APBB1IP: variants seen among roughly 807,000 people sequenced by gnomAD.
APBB1IP encodes the protein amyloid beta precursor protein binding family B member 1 interacting protein, also known as amyloid beta A4 precursor protein-binding family B member 1-interacting protein.
APBB1IP carries 27 observed loss-of-function variants against 64.9 expected under a neutral mutation model. The observed-to-expected ratio is 0.42, with a 90% CI of 0.31 to 0.57. The LOEUF is 0.57. APBB1IP is among the 20% of genes least tolerant of loss of function. The pLI is 0.20. For synonymous variants in APBB1IP, 392 were observed against 331.0 expected (o/e 1.18, Z -2.00); for missense variants, 812 against 845.5 (o/e 0.96, Z 0.49).
intron 2 of APBB1IP, among the ~76,000 whole-genome samples, chr10:26,492,041 C>A (rs769536208): frequency 1.3e-5 from 2 of 152,036 alleles, no homozygotes; most frequent in African/African-American, 4.8e-5. Context: ...GGATTACAGG[C>A]GTGATCCAGC....
At position 26,490,556 on chromosome 10, in the gene APBB1IP, C is replaced by T. The variant is rs1165266773; in HGVS notation, c.1-1771C>T. Among the ~76,000 whole-genome samples, 7 of 152,032 alleles carry T rather than the reference C, an allele frequency of 4.6e-5. No individual in the cohort carries two copies. The East Asian group carries it at 1.2e-3, about 25-fold the overall frequency. On this transcript the variant is annotated intron_variant, in intron 2 of 14. Transcript: ENST00000376236. ...ACGAGAGTTGCTTTAGCCCAGGAGG[C>T]GGAAGTTGCAGTGATGTGAGATTGC...
intron 8 of APBB1IP, among the ~76,000 whole-genome samples, chr10:26,521,346 A>AT (rs1184175718): frequency 2.6e-5 from 4 of 152,134 alleles, no homozygotes; most frequent in Admixed American, 2.6e-4. Flanking sequence ...TCTAATTAGA[A>AT]TTTTTTCAGA....
intron 11 of APBB1IP, among the ~76,000 whole-genome samples, chr10:26,555,522 TTACA>T (rs746281055): frequency 1.1e-4 from 17 of 152,308 alleles, no homozygotes; most frequent in Non-Finnish European, 2.1e-4. Context: ...CATCAGGTGT[TTACA>T]TACATCTCTC....
intron 2 of APBB1IP, among the ~76,000 whole-genome samples, chr10:26,454,605 T>TA (rs1835502110): frequency 1.3e-5 from 2 of 152,010 alleles, no homozygotes; most frequent in Admixed American, 1.3e-4. Flanking sequence ...GTGGGGTAGT[T>TA]AATGGGTCCA....
intron 8 of APBB1IP, among the ~76,000 whole-genome samples, chr10:26,524,371 G>A (rs766782851): frequency 1.5e-4 from 23 of 151,802 alleles, no homozygotes; most frequent in African/African-American, 4.1e-4. Context: ...ATGTTTCTCC[G>A]TAATTACCCA....
intron 8 of APBB1IP, among the ~76,000 whole-genome samples, chr10:26,520,494 A>T (rs1052032293): frequency 3.9e-5 from 6 of 152,228 alleles, no homozygotes; most frequent in African/African-American, 1.4e-4. Context: ...AGTCTTCAAT[A>T]CTTAACAGAC....
chr10:26,511,933 G>T, intron 7 of APBB1IP, 27 bp downstream of exon 7: 1 of 1,611,298 alleles, frequency 6.2e-7, no homozygotes. Flanking sequence ...GCAATGGGCT[G>T]TACTCCAAAA....
Position 26,528,603 on chromosome 10 carries a change from C to T in APBB1IP, c.814-4836C>T, listed in dbSNP as rs549657169. ...ATCTGTCCATCTCACTATGATCGAT[C>T]TGTATTTATCTTCTCCATGTGATAG... is the stretch of plus-strand genomic sequence containing the variant. On this transcript the variant is annotated intron_variant, in intron 8 of 14. Transcript: ENST00000376236. Among the ~76,000 whole-genome samples, 6 of 152,270 alleles carry T rather than the reference C, an allele frequency of 3.9e-5. No individual in the cohort carries two copies. In the South Asian group the frequency reaches 1.2e-3, roughly 32 times the overall value.
At chr10:26,512,176 A>C (rs979377268) in intron 7 of APBB1IP, among the ~76,000 whole-genome samples, 1 of 152,108 alleles carries the variant, frequency 6.6e-6, no homozygotes, top group Non-Finnish European at 1.5e-5. Context: ...CAATTCCCTT[A>C]TATGAGATTT....
intron 2 of APBB1IP, among the ~76,000 whole-genome samples, chr10:26,486,847 A>C (rs961804120): frequency 6.6e-6 from 1 of 152,220 alleles, no homozygotes; most frequent in African/African-American, 2.4e-5. Context: ...AAGCCTAGAA[A>C]TATTAAGCAT....
At chr10:26,477,676 C>T (rs541360575) in intron 2 of APBB1IP, among the ~76,000 whole-genome samples, 10 of 152,328 alleles carry the variant, frequency 6.6e-5, no homozygotes, top group Admixed American at 4.6e-4. Flanking sequence ...CAACAAAACA[C>T]AAAGGCGAAT....
intron 7 of APBB1IP, among the ~76,000 whole-genome samples, chr10:26,512,478 G>T (rs1836273524): frequency 6.6e-6 from 1 of 152,072 alleles, no homozygotes; most frequent in Non-Finnish European, 1.5e-5. Context: ...CTCCCCACTG[G>T]CTTAGTCTCT....
At chr10:26,468,788 A>G (rs993009485) in intron 2 of APBB1IP, among the ~76,000 whole-genome samples, 9 of 152,164 alleles carry the variant, frequency 5.9e-5, no homozygotes, top group African/African-American at 1.9e-4. Flanking sequence ...TCCTGTTCAC[A>G]GAGTCCTGGA....
At chr10:26,476,204 G>T (rs1210958173) in intron 2 of APBB1IP, among the ~76,000 whole-genome samples, 1 of 151,684 alleles carries the variant, frequency 6.6e-6, no homozygotes, top group African/African-American at 2.4e-5. Flanking sequence ...GATTACAGAT[G>T]CCCGCCACCA....
Position 26,511,738 on chromosome 10 carries a change from T to C in APBB1IP, c.532-9T>C. 1 of 1,614,070 alleles carries C rather than the reference T, an allele frequency of 6.2e-7. No homozygotes were observed. The highest frequency in any genetic ancestry group is 8.5e-7 in the Non-Finnish European group (1 of 1,179,912). ...AAATTTACTGGCTGCCCCATGGTTCTATCCTCAGCTCGTCGTCAAGGTGCA... is the reference window on the plus strand; with the variant it reads ...AAATTTACTGGCTGCCCCATGGTTCCATCCTCAGCTCGTCGTCAAGGTGCA... On this transcript the variant is annotated splice_polypyrimidine_tract_variant and intron_variant, in intron 6 of 14. Transcript: ENST00000376236.
At chr10:26,531,653 C>G (rs1224338564) in intron 8 of APBB1IP, among the ~76,000 whole-genome samples, 2 of 147,134 alleles carry the variant, frequency 1.4e-5, no homozygotes, top group Admixed American at 1.4e-4. Context: ...GGTGACAGAG[C>G]GAGACCCCGT....
At chr10:26,493,149 C>G (rs1177111852) in intron 3 of APBB1IP, among the ~76,000 whole-genome samples, 2 of 152,202 alleles carry the variant, frequency 1.3e-5, no homozygotes, top group African/African-American at 4.8e-5. Context: ...CTCTGTCCTG[C>G]CCGGCTCCCA....
At chr10:26,541,368 A>C (rs1412929375) in intron 10 of APBB1IP, among the ~76,000 whole-genome samples, 1 of 152,200 alleles carries the variant, frequency 6.6e-6, no homozygotes, top group Non-Finnish European at 1.5e-5. Context: ...AGATCTTACT[A>C]AATTGTCCCC....
chr10:26,455,783 C>T (rs1835518324), intron 2 of APBB1IP, among the ~76,000 whole-genome samples: 1 of 152,058 alleles, frequency 6.6e-6, no homozygotes, highest in Non-Finnish European at 1.5e-5. Context: ...TACCATATGC[C>T]CCAGCAGTTG....
Sources: gnomAD v4.1 joint callset for allele counts (sites outside exome capture counted in the v4.1 genomes callset) on GRCh38, gnomAD v4.1.1 for gene constraint, MANE v1.5 for transcripts, NCBI Gene and HGNC (gene_info 2026-07-23, HGNC 2026-07-21) for gene names.